Variants in TTC3 observed in about 807,000 individuals in gnomAD.
TTC3 encodes E3 ubiquitin-protein ligase TTC3.
Under a neutral mutation model 249.6 loss-of-function variants are expected in TTC3, and 180 were observed. The ratio of observed to expected loss-of-function variants is 0.72; its 90% confidence interval spans 0.64 to 0.82. The LOEUF is 0.82. Among genes scored for constraint, TTC3 ranks in the 40% least tolerant of loss-of-function variants. TTC3 has a pLI of 0.00. For synonymous variants in TTC3, 717 were observed against 805.0 expected (o/e 0.89, Z 1.85); for missense variants, 2,061 against 2,398.4 (o/e 0.86, Z 2.94).
intron 18 of TTC3, among the ~76,000 whole-genome samples, chr21:37,136,007 C>T (rs1472708761): frequency 1.3e-5 from 2 of 152,184 alleles, no homozygotes; most frequent in East Asian, 1.9e-4. Context: ...ATCATTATCA[C>T]TGTATCTGTG....
At chr21:37,179,564 A>T (rs1602033054) in intron 35 of TTC3, among the ~76,000 whole-genome samples, 1 of 152,336 alleles carries the variant, frequency 6.6e-6, no homozygotes, top group East Asian at 1.9e-4. Flanking sequence ...TTACCCATTT[A>T]GGTCTGTGAT....
chr21:37,124,674 G>C (rs142789050), exon 14 of TTC3: 5 of 1,613,356 alleles, frequency 3.1e-6, no homozygotes, highest in Non-Finnish European at 4.2e-6. Context: ...ACTTAACTTT[G>C]TGGAGAAGGA....
intron 34 of TTC3, among the ~76,000 whole-genome samples, chr21:37,170,959 C>T (rs1235964334): frequency 1.3e-5 from 2 of 152,150 alleles, no homozygotes; most frequent in African/African-American, 4.8e-5. Flanking sequence ...TTGAAATTTG[C>T]AGGCTTCAAT....
At position 37,153,245 on chromosome 21, in the gene TTC3, T is replaced by G. The variant is rs368339343; in HGVS notation, c.2708T>G (p.Leu903Ter). The G allele has an allele frequency of 1.2e-6, 2 of 1,613,274 alleles. No homozygotes were observed. Among genetic ancestry groups the G allele is most frequent in the African/African-American group, 2.7e-5 (2 of 74,840 alleles). Residue 903 changes from leucine (L) to a stop codon, truncating the protein, a stop_gained, in exon 27 of 46, where the codon TTA becomes TGA. Coordinates refer to ENST00000355666, the Ensembl canonical transcript of TTC3. LOFTEE classifies it high-confidence loss of function. ...GAGCTTAAAGAAGTGGAGCCCAAAT[T>G]AGCCGCCTGGATCCAAAAACTTAAT...
Position 37,095,450 on chromosome 21 carries a change from A to G in TTC3, c.782+6A>G, listed in dbSNP as rs757418214. 5 of 1,547,824 alleles carry G rather than the reference A, an allele frequency of 3.2e-6. No individual in the cohort carries two copies. The Admixed American group carries it at 7.7e-5, about 24-fold the overall frequency. ...ACCAGAGCCATTGAATATAGGTAAG[A>G]GCAAATAGAACAAAAGAGATGCTTT... On this transcript the variant is annotated splice_donor_region_variant and intron_variant, in intron 9 of 45. Transcript: ENST00000355666.
intron 35 of TTC3, among the ~76,000 whole-genome samples, chr21:37,178,218 A>AG (rs1207452355): frequency 6.6e-6 from 1 of 152,210 alleles, no homozygotes; most frequent in Non-Finnish European, 1.5e-5. Flanking sequence ...TTCATTCACT[A>AG]GTTGATTGAC....
At chr21:37,141,419 C>CCA (rs386394708) in intron 20 of TTC3, among the ~76,000 whole-genome samples, 2 of 151,810 alleles carry the variant, frequency 1.3e-5, no homozygotes, top group Non-Finnish European at 2.9e-5. Context: ...GAATCCCCCC[C>CCA]CCAGCCATCT....
chr21:37,158,045 G>A, intron 28 of TTC3: 1 of 778,918 alleles, frequency 1.3e-6, no homozygotes, highest in Non-Finnish European at 1.6e-6. Context: ...AAGTTCCAAT[G>A]CATATAAGGA....
chr21:37,124,472 G>T, intron 13 of TTC3, 147 bp from the exon 14 acceptor site: 1 of 747,216 alleles, frequency 1.3e-6, no homozygotes, highest in Non-Finnish European at 2.1e-6. Context: ...TAATGTTTAT[G>T]TATAAAGCCC....
intron 22 of TTC3, among the ~76,000 whole-genome samples, chr21:37,147,859 G>T (rs1299553904): frequency 6.6e-6 from 1 of 152,034 alleles, no homozygotes. Flanking sequence ...CTCCCAAGTA[G>T]CTGGGATTAC....
At chr21:37,192,368 G>A (rs2084256383) in intron 41 of TTC3, among the ~76,000 whole-genome samples, 155 bp downstream of exon 41, 1 of 151,952 alleles carries the variant, frequency 6.6e-6, no homozygotes, top group Non-Finnish European at 1.5e-5. Context: ...AACCTTTTAA[G>A]CTTTATAACA....
At chr21:37,197,979 C>T (rs770443143) in exon 44 of TTC3, 27 of 1,613,800 alleles carry the variant, frequency 1.7e-5, no homozygotes, top group Middle Eastern at 1.6e-4. Context: ...GTTGCACCAT[C>T]ACCCAAAACC....
intron 17 of TTC3, 46 bp downstream of exon 17, chr21:37,132,812 AAAAC>A: frequency 6.9e-6 from 10 of 1,450,716 alleles, no homozygotes; most frequent in Non-Finnish European, 8.5e-6. Context: ...CTCTTTGAAC[AAAAC>A]ATTGTTCACA....
chr21:37,153,494 C>G (rs560200075), intron 27 of TTC3, among the ~76,000 whole-genome samples: 4 of 152,214 alleles, frequency 2.6e-5, no homozygotes, highest in Non-Finnish European at 5.9e-5. Flanking sequence ...GGCAATGTTG[C>G]AAGACCTGTC....
chr21:37,133,681 C>T (rs1162949586), intron 17 of TTC3, among the ~76,000 whole-genome samples: 3 of 152,082 alleles, frequency 2.0e-5, no homozygotes, highest in African/African-American at 7.2e-5. Context: ...GCTTTCAGGA[C>T]AGATCATTTA....
chr21:37,159,438 C>G (rs1037005109), intron 28 of TTC3: 1 of 414,670 alleles, frequency 2.4e-6, no homozygotes, highest in Non-Finnish European at 4.3e-6. Context: ...CATCTCTATT[C>G]CCAGGACTAG....
rs572745654 is a variant in TTC3, at chr21:37,098,284, G to A, written c.845+1641G>A. ...GCTAGCCTCTTGTGAAAATTGAGGTGCCTGTCTGAAATATTGCCTGGCAGA... is the reference window on the plus strand; with the variant it reads ...GCTAGCCTCTTGTGAAAATTGAGGTACCTGTCTGAAATATTGCCTGGCAGA... On this transcript the variant is annotated intron_variant, in intron 10 of 45. Transcript: ENST00000355666. 56 of 206,004 alleles carry A rather than the reference G, an allele frequency of 2.7e-4. 1 individual carries two copies. In the South Asian group the frequency reaches 8.5e-3, roughly 31 times the overall value. The allele number at this position is 206,004 out of a possible 1,614,324, so 12.8% of individuals were successfully genotyped here. A position where few individuals can be genotyped will look rare whatever the true frequency, so the allele number is the denominator to read the frequency against.
At chr21:37,191,133 T>C (rs966248507) in intron 39 of TTC3, among the ~76,000 whole-genome samples, 6 of 152,170 alleles carry the variant, frequency 3.9e-5, no homozygotes, top group African/African-American at 1.2e-4. Flanking sequence ...TTTAGAGTTT[T>C]TGTTATATTA....
At chr21:37,149,759 C>A (rs2079285487) in intron 23 of TTC3, among the ~76,000 whole-genome samples, 1 of 152,240 alleles carries the variant, frequency 6.6e-6, no homozygotes, top group African/African-American at 2.4e-5. Context: ...GGAACATCTT[C>A]CTGTGTCAGA....
Sources: gnomAD v4.1 joint callset for allele counts (sites outside exome capture counted in the v4.1 genomes callset) on GRCh38, gnomAD v4.1.1 for gene constraint, MANE v1.5 for transcripts, NCBI Gene and HGNC (gene_info 2026-07-23, HGNC 2026-07-21) for gene names.